APP: variants seen among roughly 807,000 people sequenced by gnomAD.
APP encodes amyloid-beta precursor protein.
In APP, 31 loss-of-function variants were observed where a neutral mutation model predicts 101.4. That is an observed-to-expected ratio of 0.31 (90% CI 0.23 to 0.41). The LOEUF is 0.41. Ranked by LOEUF, APP falls within the 10% of genes least tolerant of loss-of-function variation. The pLI, the probability that APP is intolerant of heterozygous loss-of-function variation, is 1.00. For missense variants in APP, 839 were observed against 1,003.7 expected, an observed-to-expected ratio of 0.84 and a Z score of 2.22; for synonymous variants, 366 against 364.4, an observed-to-expected ratio of 1.00 and a Z score of -0.05.
At chr21:25,893,569 C>A (rs760993199) in intron 16 of APP, among the ~76,000 whole-genome samples, 3 of 152,138 alleles carry the variant, frequency 2.0e-5, no homozygotes, top group African/African-American at 7.2e-5. Flanking sequence ...GAAGATCAAA[C>A]CAACCACAAC....
rs1569106867 is a variant in APP, at chr21:25,958,565, A to ACC, written c.1459-2811_1459-2810insGG. On this transcript the variant is annotated intron_variant, in intron 11 of 17. Transcript: ENST00000346798. Reference sequence around the variant, plus strand: ...GTGCTAGGATTACAGGCGTGCGACCAGTGCACGGCCAATTAATTATTCATG... The same window carrying ACC: ...GTGCTAGGATTACAGGCGTGCGACCACCGTGCACGGCCAATTAATTATTCATG... Among the ~76,000 whole-genome samples the ACC allele has an allele frequency of 4.2e-3, 642 of 152,364 alleles. 2 individuals are homozygous for ACC. The highest frequency in any genetic ancestry group is 0.014 in the Middle Eastern group (4 of 294).
At chr21:26,096,096 A>G (rs542258797) in intron 2 of APP, among the ~76,000 whole-genome samples, 1 of 152,256 alleles carries the variant, frequency 6.6e-6, no homozygotes, top group African/African-American at 2.4e-5. Flanking sequence ...TTCCAAACAC[A>G]CTCTTACCTA....
chr21:26,142,577 T>C (rs1309896902), intron 1 of APP, among the ~76,000 whole-genome samples: 2 of 152,142 alleles, frequency 1.3e-5, no homozygotes, highest in Non-Finnish European at 2.9e-5. Context: ...AAGACCAGTC[T>C]GGGCAACACA....
chr21:25,899,517 T>C (rs908607897), intron 15 of APP, among the ~76,000 whole-genome samples: 14 of 152,052 alleles, frequency 9.2e-5, no homozygotes, highest in African/African-American at 3.4e-4. Flanking sequence ...CGAGATGCCA[T>C]GTTGTAGGGA....
intron 1 of APP, among the ~76,000 whole-genome samples, chr21:26,143,716 C>T (rs1358396481): frequency 6.6e-6 from 1 of 152,200 alleles, no homozygotes; most frequent in Non-Finnish European, 1.5e-5. Flanking sequence ...CCCCCACATC[C>T]AAACCCTGGT....
intron 5 of APP, among the ~76,000 whole-genome samples, chr21:26,044,572 T>C (rs182556357): frequency 4.1e-4 from 63 of 152,268 alleles, no homozygotes; most frequent in African/African-American, 1.3e-3. Context: ...GGAGTTTCGC[T>C]CTTATTGCCC....
At chr21:25,973,741 G>C (rs1216701790) in intron 11 of APP, among the ~76,000 whole-genome samples, 2 of 151,904 alleles carry the variant, frequency 1.3e-5, no homozygotes, top group African/African-American at 4.8e-5. Flanking sequence ...TCAGGAGTTC[G>C]AGATCAGCCT....
chr21:26,093,284 G>A (rs2061865915), intron 2 of APP, among the ~76,000 whole-genome samples: 1 of 152,136 alleles, frequency 6.6e-6, no homozygotes, highest in Non-Finnish European at 1.5e-5. Context: ...TGACACCTGA[G>A]AGTCCACCCT....
chr21:26,089,776 G>C, intron 3 of APP, 167 bp downstream of exon 3: 1 of 952,220 alleles, frequency 1.1e-6, no homozygotes, highest in Non-Finnish European at 1.6e-6. Flanking sequence ...TGCTCCTATA[G>C]GGTCAGTGCA....
chr21:25,983,645 A>C (rs1382359517), intron 8 of APP, among the ~76,000 whole-genome samples: 1 of 152,246 alleles, frequency 6.6e-6, no homozygotes, highest in Non-Finnish European at 1.5e-5. Flanking sequence ...CATTTTAAAA[A>C]GAAACATTCG....
At chr21:26,131,456 T>C (rs2062795121) in intron 1 of APP, among the ~76,000 whole-genome samples, 1 of 152,210 alleles carries the variant, frequency 6.6e-6, no homozygotes, top group Non-Finnish European at 1.5e-5. Context: ...CAGTCACTCA[T>C]ATATTTGTTG....
intron 2 of APP, among the ~76,000 whole-genome samples, chr21:26,110,307 G>A (rs143585783): frequency 1.4e-4 from 21 of 152,176 alleles, no homozygotes; most frequent in South Asian, 1.0e-3. Context: ...TTAGCTGGGC[G>A]TGGTGGCGGG....
intron 3 of APP, among the ~76,000 whole-genome samples, chr21:26,059,944 CTA>C (rs2046206460): frequency 7.4e-6 from 1 of 135,748 alleles, no homozygotes; most frequent in Non-Finnish European, 1.6e-5. Flanking sequence ...GACTGAGAGA[CTA>C]TGTAACAGTC....
intron 2 of APP, among the ~76,000 whole-genome samples, chr21:26,097,182 A>G (rs1445793567): frequency 1.3e-5 from 2 of 152,188 alleles, no homozygotes; most frequent in Admixed American, 6.5e-5. Flanking sequence ...TGCGCAGACC[A>G]TTCTGTCCTA....
intron 6 of APP, among the ~76,000 whole-genome samples, chr21:26,017,203 A>AC (rs1167141003): frequency 1.3e-5 from 2 of 149,260 alleles, no homozygotes; most frequent in African/African-American, 4.9e-5. Context: ...TATCTCAAAA[A>AC]AAAAAAAAAA....
rs182462627 is a variant in APP, at chr21:25,927,060, C to T, written c.1688-15098G>A. 3.9e-3 allele frequency among the ~76,000 whole-genome samples: 584 copies of T among 150,572 alleles called. 2 individuals are homozygous for T. Among genetic ancestry groups the T allele is most frequent in the Non-Finnish European group, 5.8e-3 (395 of 67,724 alleles). ...ATAAACCCATCTATCATCACAAGCA[C>T]CCTCTTTTTCATACATTTCAAATTT... On this transcript the variant is annotated intron_variant, in intron 13 of 17. Coordinates refer to ENST00000346798, the MANE Select transcript of APP (RefSeq NM_000484.4).
chr21:25,911,537 T>C (rs749003495), intron 14 of APP, among the ~76,000 whole-genome samples: 4 of 152,186 alleles, frequency 2.6e-5, no homozygotes, highest in Non-Finnish European at 5.9e-5. Flanking sequence ...TAAAGAATAA[T>C]TTACACAGAT....
chr21:25,982,611 G>A, intron 8 of APP, 134 bp from the exon 9 acceptor site: 6 of 780,880 alleles, frequency 7.7e-6, no homozygotes, highest in Admixed American at 2.4e-5. Flanking sequence ...CATACAAGAC[G>A]TTAATGCTGT....
intron 5 of APP, among the ~76,000 whole-genome samples, chr21:26,050,772 A>C (rs987169087): frequency 1.3e-5 from 2 of 152,204 alleles, no homozygotes; most frequent in Non-Finnish European, 2.9e-5. Context: ...TTTTGATCCC[A>C]AGTTTAATAT....
Sources: gnomAD v4.1 joint callset for allele counts (sites outside exome capture counted in the v4.1 genomes callset) on GRCh38, gnomAD v4.1.1 for gene constraint, MANE v1.5 for transcripts, NCBI Gene and HGNC (gene_info 2026-07-23, HGNC 2026-07-21) for gene names.